SOX6: variants seen among roughly 807,000 people sequenced by gnomAD.
SOX6 encodes the protein SRY-box transcription factor 6, also known as transcription factor SOX-6.
Under a neutral mutation model 97.8 loss-of-function variants are expected in SOX6, and 11 were observed. The ratio of observed to expected loss-of-function variants is 0.11; its 90% CI spans 0.07 to 0.19. The LOEUF (loss-of-function observed/expected upper bound fraction) is 0.19. Ranked by LOEUF, SOX6 falls within the 10% of genes least tolerant of loss-of-function variation. The pLI is 1.00. For missense variants in SOX6, 810 were observed against 1,039.5 expected, an observed-to-expected ratio of 0.78 and a Z score of 3.04; for synonymous variants, 360 against 371.4, an observed-to-expected ratio of 0.97 and a Z score of 0.35.
intron 4 of SOX6, among the ~76,000 whole-genome samples, chr11:16,603,892 C>T (rs1425356096): frequency 6.6e-6 from 1 of 152,244 alleles, no homozygotes; most frequent in East Asian, 1.9e-4. Flanking sequence ...CGAGGCTGCC[C>T]TGGCAGGTTC....
chr11:16,388,125 T>C (rs1590178099), intron 1 of SOX6, among the ~76,000 whole-genome samples: 3 of 152,170 alleles, frequency 2.0e-5, no homozygotes, highest in African/African-American at 7.2e-5. Context: ...TATTCCTAGA[T>C]TGCTGGGAGT....
chr11:16,738,352 GCGTTGCA>G (rs1366399788), intron 1 of SOX6: 1 of 203,734 alleles, frequency 4.9e-6, no homozygotes, highest in Non-Finnish European at 1.0e-5. Flanking sequence ...CAGTAGGGCA[GCGTTGCA>G]CGGTGAAAGG....
At chr11:16,034,347 A>G (rs1016928355) in intron 12 of SOX6, among the ~76,000 whole-genome samples, 4 of 152,230 alleles carry the variant, frequency 2.6e-5, no homozygotes, top group African/African-American at 9.6e-5. Flanking sequence ...AAAGATATAA[A>G]GGGCAAATCA....
At chr11:16,429,546 G>C (rs1396934694) in intron 1 of SOX6, among the ~76,000 whole-genome samples, 1 of 151,990 alleles carries the variant, frequency 6.6e-6, no homozygotes. Flanking sequence ...TAAAGCTGAA[G>C]ACTATTATCC....
chr11:16,686,392 C>T (rs1345554267), intron 3 of SOX6, among the ~76,000 whole-genome samples: 1 of 152,206 alleles, frequency 6.6e-6, no homozygotes, highest in Non-Finnish European at 1.5e-5. Context: ...ATCTTCAACA[C>T]ACTGCTGCTT....
chr11:16,336,896 T>A (rs1856479060), intron 2 of SOX6, among the ~76,000 whole-genome samples: 1 of 152,158 alleles, frequency 6.6e-6, no homozygotes, highest in South Asian at 2.1e-4. Context: ...TGATTCTTTT[T>A]ATTCCAATTT....
chr11:16,169,187 C>T (rs1418764281), intron 6 of SOX6, among the ~76,000 whole-genome samples: 1 of 152,010 alleles, frequency 6.6e-6, no homozygotes, highest in Non-Finnish European at 1.5e-5. Flanking sequence ...GTTGGAAGAG[C>T]CCTTCATTTA....
chr11:16,152,239 G>A (rs972277456), intron 6 of SOX6, among the ~76,000 whole-genome samples: 13 of 152,094 alleles, frequency 8.5e-5, no homozygotes, highest in African/African-American at 2.4e-4. Context: ...TTATAGATGT[G>A]TATGCTTTGG....
intron 1 of SOX6, among the ~76,000 whole-genome samples, chr11:16,442,512 T>G (rs1172400742): frequency 6.6e-6 from 1 of 152,130 alleles, no homozygotes; most frequent in Non-Finnish European, 1.5e-5. Flanking sequence ...TTTTGCATAT[T>G]AATCTTTTTC....
chr11:16,641,584 G>T (rs1338976535), intron 3 of SOX6, among the ~76,000 whole-genome samples: 1 of 152,130 alleles, frequency 6.6e-6, no homozygotes, highest in South Asian at 2.1e-4. Context: ...ATGAATCTGG[G>T]TGCTCCTGTA....
Position 16,323,182 on chromosome 11 carries a change from T to G in SOX6, c.238-4529A>C, listed in dbSNP as rs76376202. ...TTGATTCAGATAATCTAAAGAGCAT[T>G]TCACTGGAAATCAATTAAACACAAT... is the stretch of plus-strand genomic sequence containing the variant. On this transcript the variant is annotated intron_variant, in intron 2 of 15. Coordinates refer to ENST00000683767, the MANE Select transcript of SOX6 (RefSeq NM_001367873.1). Among the ~76,000 whole-genome samples the G allele has an allele frequency of 6.8e-3, 1,029 of 152,232 alleles. 11 individuals carry two copies. Among genetic ancestry groups the G allele is most frequent in the African/African-American group, 0.023 (972 of 41,540 alleles).
intron 1 of SOX6, among the ~76,000 whole-genome samples, chr11:16,351,211 A>G (rs906411721): frequency 1.3e-5 from 2 of 151,978 alleles, no homozygotes; most frequent in Non-Finnish European, 2.9e-5. Context: ...CCCCTCATTC[A>G]TCCACACCCA....
chr11:16,246,866 C>G (rs535542116), intron 3 of SOX6, among the ~76,000 whole-genome samples: 2 of 152,182 alleles, frequency 1.3e-5, no homozygotes, highest in South Asian at 2.1e-4. Context: ...ATCAAGGTAA[C>G]TTGGGTATCC....
At chr11:16,313,316 T>C (rs1169409868) in intron 3 of SOX6, 1 of 152,180 alleles carries the variant, frequency 6.6e-6, no homozygotes, top group Non-Finnish European at 1.5e-5. Flanking sequence ...GAGAGGTATT[T>C]AGTCTGATAA....
chr11:16,262,758 T>C (rs1180156132), intron 3 of SOX6, among the ~76,000 whole-genome samples: 3 of 152,028 alleles, frequency 2.0e-5, no homozygotes, highest in Admixed American at 2.0e-4. Context: ...GAAGAAAAAC[T>C]GTGGTAACAT....
At chr11:16,715,594 G>A (rs1221590785) in intron 2 of SOX6, among the ~76,000 whole-genome samples, 2 of 151,512 alleles carry the variant, frequency 1.3e-5, no homozygotes, top group Non-Finnish European at 1.5e-5. Flanking sequence ...AAAAAAAAAA[G>A]GAGTGGGGAA....
chr11:16,527,655 T>C (rs891024774), intron 4 of SOX6, among the ~76,000 whole-genome samples: 1 of 152,126 alleles, frequency 6.6e-6, no homozygotes, highest in African/African-American at 2.4e-5. Context: ...AAATGCCATA[T>C]CTGTACGAAA....
chr11:16,675,747 T>A (rs1847879650), intron 3 of SOX6, among the ~76,000 whole-genome samples: 1 of 152,228 alleles, frequency 6.6e-6, no homozygotes, highest in Admixed American at 6.5e-5. Context: ...ATTATTCAAT[T>A]ACTTTGAAGA....
intron 4 of SOX6, among the ~76,000 whole-genome samples, chr11:16,210,337 A>T (rs1162591494): frequency 6.6e-6 from 1 of 152,218 alleles, no homozygotes; most frequent in Admixed American, 6.5e-5. Flanking sequence ...TACATGCTAC[A>T]ACATGGATGA....
Sources: allele counts gnomAD v4.1 joint callset (sites outside exome capture counted in the v4.1 genomes callset), GRCh38; gene constraint gnomAD v4.1.1; transcripts MANE v1.5; gene names NCBI Gene and HGNC (gene_info 2026-07-23, HGNC 2026-07-21).